Variants in DLG5 observed in about 807,000 individuals in gnomAD.
DLG5 encodes discs large MAGUK scaffold protein 5.
DLG5 carries 48 observed loss-of-function variants against 189.8 expected under a neutral mutation model. That is an observed-to-expected ratio of 0.25 (90% CI 0.20 to 0.32). DLG5 has a LOEUF of 0.32. Ranked by LOEUF, DLG5 falls within the 10% of genes least tolerant of loss-of-function variation. DLG5 has a pLI of 1.00. For missense variants in DLG5, 2,160 were observed against 2,544.7 expected, an observed-to-expected ratio of 0.85 and a Z score of 3.25; for synonymous variants, 1,016 against 1,054.1, an observed-to-expected ratio of 0.96 and a Z score of 0.70.
chr10:77,871,247 G>A (rs775404152), intron 1 of DLG5, among the ~76,000 whole-genome samples: 4 of 152,118 alleles, frequency 2.6e-5, no homozygotes, highest in Non-Finnish European at 5.9e-5. Flanking sequence ...TCTCTAAACA[G>A]GTCTGGATGG....
chr10:77,820,350 GAAAA>G, intron 15 of DLG5: 2 of 143,680 alleles, frequency 1.4e-5, no homozygotes, highest in Admixed American at 6.9e-5. Context: ...CATCTTAGGG[GAAAA>G]AAAAAAAAAA....
At chr10:77,853,050 A>G (rs912218444) in intron 5 of DLG5, among the ~76,000 whole-genome samples, 8 of 152,032 alleles carry the variant, frequency 5.3e-5, no homozygotes, top group African/African-American at 1.7e-4. Flanking sequence ...TGGCATGATC[A>G]TAGCTCACTA....
At position 77,816,715 on chromosome 10, in the gene DLG5, C is replaced by CG. The variant is rs1262056079; in HGVS notation, c.3875-15dup. ...GTGACACTGAACCTGCAGAGAGGAGCGGGTAATGCCGGTGTGAACTCCCAT... is the reference window on the plus strand; with the variant it reads ...GTGACACTGAACCTGCAGAGAGGAGCGGGGTAATGCCGGTGTGAACTCCCAT... On this transcript the variant is annotated splice_polypyrimidine_tract_variant and intron_variant, in intron 19 of 31. Transcript: ENST00000372391. The CG allele has an allele frequency of 2.5e-6, 4 of 1,587,020 alleles. No homozygotes were observed.
chr10:77,800,986 C>T (rs1386382602), intron 27 of DLG5, among the ~76,000 whole-genome samples: 2 of 152,196 alleles, frequency 1.3e-5, no homozygotes, highest in Non-Finnish European at 2.9e-5. Context: ...TCAAAGTGAT[C>T]TGCGAGCAGC....
rs183173110 is a variant in DLG5, at chr10:77,898,118, C to A, written c.304+28099G>T. Among the ~76,000 whole-genome samples, 79 of 152,324 alleles carry A rather than the reference C, an allele frequency of 5.2e-4. 1 individual carries two copies. The highest frequency in any genetic ancestry group is 1.5e-3 in the African/African-American group (62 of 41,594). On this transcript the variant is annotated intron_variant, in intron 1 of 31. Coordinates refer to ENST00000372391, the MANE Select transcript of DLG5 (RefSeq NM_004747.4). ...ACCACAAGCACCTTCCTCCCAGGAGCCAGAACAGCCTTCTCCATCAGCGCA... is the reference window on the plus strand; with the variant it reads ...ACCACAAGCACCTTCCTCCCAGGAGACAGAACAGCCTTCTCCATCAGCGCA...
intron 1 of DLG5, among the ~76,000 whole-genome samples, chr10:77,919,035 G>T (rs957854834): frequency 1.3e-5 from 2 of 152,186 alleles, no homozygotes; most frequent in Admixed American, 1.3e-4. Context: ...GGCCAAGATG[G>T]CAAAATCCCG....
intron 1 of DLG5, among the ~76,000 whole-genome samples, chr10:77,885,873 G>GA (rs1336159266): frequency 6.6e-6 from 1 of 152,220 alleles, no homozygotes; most frequent in African/African-American, 2.4e-5. Context: ...TGCCAGGAGT[G>GA]AAACAAGCCC....
At position 77,811,120 on chromosome 10, in the gene DLG5, G is replaced by A; in HGVS notation, c.4437C>T (p.Thr1479=). The change falls in exon 23 of 32, where the codon ACC becomes ACT. Residue 1479 remains threonine, a synonymous_variant. Coordinates refer to ENST00000372391, the MANE Select transcript of DLG5 (RefSeq NM_004747.4). ...TGGAGCTGCTCTGCTTGGCTGGGGG[G>A]GTGCTAGGCCCCTCGTCCTGCTCCA... ...PLMEQDEGPS[T]PPAKQSSSRI... is the part of the protein sequence containing the mutation. The A allele has an allele frequency of 1.9e-6, 3 of 1,612,192 alleles. No individual in the cohort carries two copies. The highest frequency in any genetic ancestry group is 1.7e-6 in the Non-Finnish European group (2 of 1,179,976).
chr10:77,806,887 C>T lies in DLG5; in HGVS notation c.4838G>A (p.Ser1613Asn). ...DRLADVEQEL[S>N]FKKDDILYVD... ...GTAGAGGATGTCGTCCTTCTTAAAG[C>T]TCAACTCTTGCTCCACATCTGCCAG... Residue 1613 changes from serine to asparagine, a missense_variant, in exon 26 of 32, where the codon AGC (serine) becomes AAC (asparagine). By Grantham distance (46) the Ser-to-Asn change is conservative (BLOSUM62 1). Around this residue, in one of 5 missense-constraint regions of DLG5, gnomAD observed 574 missense variants for 644.2 expected, o/e 0.89. Transcript: ENST00000372391. The T allele has an allele frequency of 6.2e-7, 1 of 1,614,018 alleles. No homozygotes were observed. Among genetic ancestry groups the T allele is most frequent in the Admixed American group, 1.7e-5 (1 of 60,030 alleles).
intron 1 of DLG5, among the ~76,000 whole-genome samples, chr10:77,903,789 C>A (rs1316215588): frequency 6.6e-6 from 1 of 152,134 alleles, no homozygotes; most frequent in Non-Finnish European, 1.5e-5. Flanking sequence ...ATCGGAAATA[C>A]TTCTGGTCCT....
intron 22 of DLG5, 128 bp from the exon 23 acceptor site, chr10:77,811,362 A>G: frequency 3.4e-6 from 4 of 1,186,000 alleles, no homozygotes; most frequent in South Asian, 1.6e-5. Context: ...CTGTGCCCTG[A>G]GCAGAGCAGA....
intron 2 of DLG5, among the ~76,000 whole-genome samples, chr10:77,860,732 C>A (rs992453668): frequency 6.6e-6 from 1 of 152,190 alleles, no homozygotes; most frequent in African/African-American, 2.4e-5. Context: ...GTGTCCAGGT[C>A]ACAGAGCTAT....
At position 77,926,430 on chromosome 10, in the gene DLG5, C is replaced by G; in HGVS notation, c.91G>C (p.Glu31Gln). Residue 31 changes from glutamate (E) to glutamine (Q), a missense_variant, in exon 1 of 32, where the codon GAG becomes CAG. Around this residue, in one of 5 missense-constraint regions of DLG5, gnomAD observed 664 missense variants for 838.5 expected, o/e 0.79. Coordinates refer to ENST00000372391, the MANE Select transcript of DLG5 (RefSeq NM_004747.4). This position sits in a 1 kb window ranked among gnomAD's most constrained non-coding sequence, Gnocchi z 5.2. ...TEVEAVLGLLEAAGALSPGER... is the reference protein window; with the variant it reads ...TEVEAVLGLLQAAGALSPGER... ...CCGGGACTGAGCGCTCCCGCGGCCTCGAGCAGCCCGAGCACGGCTTCCACC... is the reference window on the plus strand; with the variant it reads ...CCGGGACTGAGCGCTCCCGCGGCCTGGAGCAGCCCGAGCACGGCTTCCACC... 1 of 1,567,184 alleles carries G rather than the reference C, an allele frequency of 6.4e-7. No homozygotes were observed. The highest frequency in any genetic ancestry group is 8.6e-7 in the Non-Finnish European group (1 of 1,159,230).
At chr10:77,852,734 A>C (rs1188816255) in intron 5 of DLG5, among the ~76,000 whole-genome samples, 1 of 152,198 alleles carries the variant, frequency 6.6e-6, no homozygotes, top group Non-Finnish European at 1.5e-5. Flanking sequence ...TTTTAAAGGA[A>C]GTTACAAAAA....
rs12258698 is a variant in DLG5, at chr10:77,819,557, C to T, written c.3527-92G>A. The T allele has an allele frequency of 7.9e-3, 11,593 of 1,471,758 alleles. 556 individuals are homozygous for T. The African/African-American group carries it at 0.12, about 16-fold the overall frequency. 91.2% of individuals were successfully genotyped at this position (1,471,758 alleles called of 1,614,324 possible). A position where few individuals can be genotyped will look rare whatever the true frequency, so the allele number is the denominator to read the frequency against. On this transcript the variant is annotated intron_variant, in intron 16 of 31. Coordinates refer to ENST00000372391, the MANE Select transcript of DLG5 (RefSeq NM_004747.4). ...TTTCCCCTGTATCCCAGGACGCAGCCGCAGTCTTTTGGGAAAAGGACTTGG... is the reference window on the plus strand; with the variant it reads ...TTTCCCCTGTATCCCAGGACGCAGCTGCAGTCTTTTGGGAAAAGGACTTGG...
intron 11 of DLG5, among the ~76,000 whole-genome samples, 188 bp from the exon 12 acceptor site, chr10:77,829,718 A>T (rs771452530): frequency 6.6e-6 from 1 of 152,226 alleles, no homozygotes; most frequent in Non-Finnish European, 1.5e-5. Context: ...GCCTGGGTTC[A>T]AATCCTGGCC....
At chr10:77,903,630 C>CAAAAA (rs574454210) in intron 1 of DLG5, among the ~76,000 whole-genome samples, 1 of 58,716 alleles carries the variant, frequency 1.7e-5, no homozygotes. Flanking sequence ...AACTCCATCT[C>CAAAAA]AAAAAAAAAA....
intron 5 of DLG5, among the ~76,000 whole-genome samples, chr10:77,843,964 T>C (rs886524616): frequency 6.6e-6 from 1 of 152,210 alleles, no homozygotes; most frequent in Non-Finnish European, 1.5e-5. Flanking sequence ...GACCTGAGAC[T>C]TCTATATCCT....
chr10:77,817,956 AAC>A (rs1341317560), intron 17 of DLG5, 67 bp from the exon 18 acceptor site: 5 of 1,320,732 alleles, frequency 3.8e-6, no homozygotes, highest in African/African-American at 2.9e-5. Flanking sequence ...ACTGGGGAGA[AAC>A]ACACAGACCA....
Sources: allele counts gnomAD v4.1 joint callset (sites outside exome capture counted in the v4.1 genomes callset), GRCh38; gene constraint gnomAD v4.1.1; regional missense constraint gnomAD v4.1.1; non-coding constraint Gnocchi (gnomAD v3.1); transcripts MANE v1.5; gene names NCBI Gene and HGNC (gene_info 2026-07-23, HGNC 2026-07-21).